The following RUNX2 variants were observed in gnomAD, a reference collection of about 807,000 sequenced individuals.
RUNX2 encodes runt-related transcription factor 2.
In RUNX2, 10 loss-of-function variants were observed where a neutral mutation model predicts 51.7. The ratio of observed to expected loss-of-function variants is 0.19; its 90% CI spans 0.12 to 0.33. The LOEUF (loss-of-function observed/expected upper bound fraction) is 0.33, where lower values mean the gene tolerates loss of function less well. Ranked by LOEUF, RUNX2 falls within the 10% of genes least tolerant of loss-of-function variation. The pLI, the probability that RUNX2 is intolerant of heterozygous loss-of-function variation, is 1.00. For missense variants in RUNX2, 562 were observed against 691.3 expected (o/e 0.81, Z 2.10); for synonymous variants, 276 against 273.6 (o/e 1.01, Z -0.09).
chr6:45,416,781 G>A (rs796663830), intron 2 of RUNX2, among the ~76,000 whole-genome samples: 19 of 152,280 alleles, frequency 1.2e-4, no homozygotes, highest in African/African-American at 4.3e-4. Context: ...TCTTTAGTCA[G>A]TACCATGCCT....
intron 2 of RUNX2, among the ~76,000 whole-genome samples, chr6:45,331,678 A>G (rs962417151): frequency 2.6e-5 from 4 of 151,970 alleles, no homozygotes; most frequent in Admixed American, 2.0e-4. Flanking sequence ...AATGTTTTGA[A>G]ATCTAAAACA....
At chr6:45,519,718 T>C (rs1275449179) in intron 7 of RUNX2, among the ~76,000 whole-genome samples, 6 of 151,976 alleles carry the variant, frequency 3.9e-5, no homozygotes, top group African/African-American at 1.2e-4. Context: ...TGTCTTTTCA[T>C]GGCTTATTAA....
At chr6:45,412,132 G>A (rs943548078) in intron 2 of RUNX2, among the ~76,000 whole-genome samples, 2 of 148,888 alleles carry the variant, frequency 1.3e-5, no homozygotes, top group Admixed American at 1.3e-4. Flanking sequence ...AAAATCGCTT[G>A]AGGCCAGGAA....
intron 2 of RUNX2, among the ~76,000 whole-genome samples, chr6:45,368,648 T>G (rs1795545702): frequency 1.3e-5 from 2 of 152,118 alleles, no homozygotes; most frequent in South Asian, 4.1e-4. Context: ...ATCATCAAAA[T>G]CTGGACTGTG....
intron 2 of RUNX2, among the ~76,000 whole-genome samples, chr6:45,391,114 A>G (rs560759793): frequency 3.9e-5 from 6 of 152,314 alleles, no homozygotes; most frequent in South Asian, 2.1e-4. Context: ...TGTCTTGTAT[A>G]GGTACAAGAT....
At chr6:45,382,771 C>T (rs1797270357) in intron 2 of RUNX2, among the ~76,000 whole-genome samples, 1 of 152,202 alleles carries the variant, frequency 6.6e-6, no homozygotes, top group African/African-American at 2.4e-5. Flanking sequence ...GTTACCTTGG[C>T]TGCCAGGTTG....
chr6:45,505,199 T>C (rs1800926611), intron 6 of RUNX2, among the ~76,000 whole-genome samples: 1 of 152,266 alleles, frequency 6.6e-6, no homozygotes, highest in Middle Eastern at 3.4e-3. Flanking sequence ...TTAACCAAAG[T>C]GTTTACAAAA....
chr6:45,359,012 A>C (rs573708316), intron 2 of RUNX2, among the ~76,000 whole-genome samples: 1 of 152,222 alleles, frequency 6.6e-6, no homozygotes, highest in Non-Finnish European at 1.5e-5. Flanking sequence ...TCACAGAATT[A>C]CTCAAATAAC....
rs1048249201 is a variant in RUNX2, at chr6:45,378,508, T to TA, written c.59-44084dup. Reference sequence around the variant, plus strand: ...TTTCTGGGACGGCGAAACCAGCTCTTACGCCGCTTCCGCGCGCCATCACTC... The same window carrying TA: ...TTTCTGGGACGGCGAAACCAGCTCTTAACGCCGCTTCCGCGCGCCATCACTC... On this transcript the variant is annotated intron_variant, in intron 2 of 8. Coordinates refer to ENST00000647337, the MANE Select transcript of RUNX2 (RefSeq NM_001024630.4). Among the ~76,000 whole-genome samples, 22 of 152,268 alleles carry TA rather than the reference T, an allele frequency of 1.4e-4. 1 individual carries two copies. In the East Asian group the frequency reaches 3.3e-3, roughly 23 times the overall value.
At chr6:45,396,833 G>C (rs1243523221) in intron 2 of RUNX2, among the ~76,000 whole-genome samples, 2 of 152,084 alleles carry the variant, frequency 1.3e-5, no homozygotes, top group Admixed American at 6.5e-5. Flanking sequence ...ACATGTATCA[G>C]TATTTTATTC....
At chr6:45,441,729 T>C (rs947915115) in intron 5 of RUNX2, among the ~76,000 whole-genome samples, 1 of 152,202 alleles carries the variant, frequency 6.6e-6, no homozygotes, top group Non-Finnish European at 1.5e-5. Flanking sequence ...ATAAGTATTA[T>C]AAATTATGCC....
chr6:45,425,755 T>A (rs1297544459), intron 3 of RUNX2, among the ~76,000 whole-genome samples: 2 of 152,162 alleles, frequency 1.3e-5, no homozygotes, highest in Non-Finnish European at 2.9e-5. Context: ...ACATCTGCAA[T>A]GAAGAAATAA....
chr6:45,375,305 A>T (rs1355576738), intron 2 of RUNX2, among the ~76,000 whole-genome samples: 2 of 152,220 alleles, frequency 1.3e-5, no homozygotes, highest in South Asian at 4.1e-4. Flanking sequence ...TGACATTATG[A>T]TGTGGTCCCA....
intron 6 of RUNX2, among the ~76,000 whole-genome samples, chr6:45,492,680 A>G (rs543620957): frequency 2.6e-5 from 4 of 152,298 alleles, no homozygotes; most frequent in Non-Finnish European, 5.9e-5. Flanking sequence ...CTAGTCAGCT[A>G]CTTACTTTAC....
rs1802491472 is a variant in RUNX2 at position 45,549,098 on chromosome 6, G to T, written c.*1793G>T. On this transcript the variant is annotated 3_prime_UTR_variant, in exon 9 of 9. Coordinates refer to ENST00000647337, the MANE Select transcript of RUNX2 (RefSeq NM_001024630.4). ...GAATTTGAGCTAGAGTCCTTCTGTG[G>T]CATGCACTTTGACCACTCCTGGCAG... 1 of 398,536 alleles carries T rather than the reference G, an allele frequency of 2.5e-6. No individual in the cohort carries two copies. The highest frequency in any genetic ancestry group is 4.4e-6 in the Non-Finnish European group (1 of 226,074). 24.7% of individuals were successfully genotyped at this position (398,536 alleles called of 1,614,324 possible). A position where few individuals can be genotyped will look rare whatever the true frequency, so the allele number is the denominator to read the frequency against.
At chr6:45,454,987 G>A (rs1799280486) in intron 5 of RUNX2, among the ~76,000 whole-genome samples, 1 of 152,132 alleles carries the variant, frequency 6.6e-6, no homozygotes, top group Admixed American at 6.5e-5. Context: ...GGTGGCAGGC[G>A]ACTGTAGTCC....
chr6:45,410,215 G>A lies in RUNX2; in HGVS notation c.59-12378G>A, dbSNP rs146440156. Among the ~76,000 whole-genome samples the A allele has an allele frequency of 1.5e-3, 224 of 152,304 alleles. 1 individual carries two copies. The highest frequency in any genetic ancestry group is 5.1e-3 in the African/African-American group (211 of 41,574). ...AATTGTATTCTAAAAAGAGAATGCC[G>A]ATGGCAATGTGGAGGATAGACTGGG... On this transcript the variant is annotated intron_variant, in intron 2 of 8. Coordinates refer to ENST00000647337, the MANE Select transcript of RUNX2 (RefSeq NM_001024630.4).
intron 7 of RUNX2, among the ~76,000 whole-genome samples, chr6:45,513,015 C>T (rs1404857245): frequency 2.0e-4 from 30 of 152,084 alleles, no homozygotes; most frequent in Admixed American, 1.8e-3. Flanking sequence ...ACTTGCAGCC[C>T]GGCAGCCCAG....
intron 4 of RUNX2, among the ~76,000 whole-genome samples, chr6:45,434,648 C>G (rs1563084894): frequency 6.6e-6 from 1 of 151,766 alleles, no homozygotes. Flanking sequence ...ATGGTTTTTC[C>G]TTTTTTTTAT....
Sources: allele counts gnomAD v4.1 joint callset (sites outside exome capture counted in the v4.1 genomes callset), GRCh38; gene constraint gnomAD v4.1.1; transcripts MANE v1.5; gene names NCBI Gene and HGNC (gene_info 2026-07-23, HGNC 2026-07-21).